The following ATP6V0A2 variants were observed in gnomAD, a reference collection of about 807,000 sequenced individuals.
The protein encoded by ATP6V0A2 is ATPase H+ transporting V0 subunit a2.
A neutral mutation model predicts 104.4 loss-of-function variants in ATP6V0A2; 58 were observed. The ratio of observed to expected loss-of-function variants is 0.56; its 90% CI spans 0.45 to 0.69. The LOEUF (loss-of-function observed/expected upper bound fraction) is 0.69. Ranked by LOEUF, ATP6V0A2 falls within the 30% of genes least tolerant of loss-of-function variation. The pLI, the probability that ATP6V0A2 is intolerant of heterozygous loss-of-function variation, is 0.00. For synonymous variants in ATP6V0A2, 376 were observed against 397.9 expected (o/e 0.95, Z 0.65); for missense variants, 938 against 1,062.9 (o/e 0.88, Z 1.63).
At chr12:123,731,311 G>C (rs913059641) in intron 6 of ATP6V0A2, 5 of 152,114 alleles carry the variant, frequency 3.3e-5, no homozygotes, top group African/African-American at 1.2e-4. Flanking sequence ...TATAGTGTCA[G>C]GTTTACTGTC....
intron 14 of ATP6V0A2, 72 bp downstream of exon 14, chr12:123,747,797 G>T (rs963986626): frequency 6.1e-5 from 60 of 983,964 alleles, no homozygotes; most frequent in Admixed American, 2.3e-4. Flanking sequence ...GCTTCTTGTT[G>T]GTGACTGTAT....
At chr12:123,745,667 T>C (rs947066875) in intron 13 of ATP6V0A2, among the ~76,000 whole-genome samples, 1 of 150,582 alleles carries the variant, frequency 6.6e-6, no homozygotes, top group Admixed American at 6.6e-5. Context: ...GATGGTGCCA[T>C]TGCACTCCAG....
At chr12:123,756,603 T>G in intron 18 of ATP6V0A2, 1 of 582,226 alleles carries the variant, frequency 1.7e-6, no homozygotes, top group Non-Finnish European at 3.0e-6. Flanking sequence ...CTCTGATATT[T>G]TTGGAGCACC....
chr12:123,742,012 G>A (rs536054978), intron 9 of ATP6V0A2, among the ~76,000 whole-genome samples: 81 of 152,002 alleles, frequency 5.3e-4, no homozygotes, highest in African/African-American at 1.9e-3. Context: ...TTTCTCTTTC[G>A]TTCCTGTCCT....
chr12:123,745,445 G>A (rs1176960494), intron 13 of ATP6V0A2, among the ~76,000 whole-genome samples: 1 of 152,152 alleles, frequency 6.6e-6, no homozygotes, highest in African/African-American at 2.4e-5. Context: ...AAGTACTCAC[G>A]CCTGTAATTC....
intron 16 of ATP6V0A2, 41 bp from the exon 17 acceptor site, chr12:123,752,242 T>G (rs1956722503): frequency 6.2e-7 from 1 of 1,613,394 alleles, no homozygotes; most frequent in African/African-American, 1.3e-5. Context: ...CACAACCTTG[T>G]GGTTTTACAG....
chr12:123,734,181 C>T (rs1956529490), intron 7 of ATP6V0A2, among the ~76,000 whole-genome samples, 173 bp downstream of exon 7: 2 of 152,218 alleles, frequency 1.3e-5, no homozygotes, highest in Non-Finnish European at 2.9e-5. Flanking sequence ...CTTACCAATG[C>T]ATTACTTAAA....
intron 1 of ATP6V0A2, among the ~76,000 whole-genome samples, chr12:123,712,969 A>G (rs1403361459): frequency 6.6e-6 from 1 of 152,164 alleles, no homozygotes; most frequent in Admixed American, 6.5e-5. Flanking sequence ...CGGGAGAACA[A>G]ATCCCACAAA....
chr12:123,747,512 A>T (rs1383092079), intron 13 of ATP6V0A2, 95 bp from the exon 14 acceptor site: 22 of 836,796 alleles, frequency 2.6e-5, no homozygotes, highest in Non-Finnish European at 4.6e-5. Flanking sequence ...TCTTAAACTT[A>T]GAGCCACCTT....
rs1956633578 is a variant in ATP6V0A2 at position 123,743,861 on chromosome 12, C to T, written c.1115C>T (p.Thr372Ile). 1.2e-6 allele frequency: 2 copies of T among 1,613,988 alleles called. No individual in the cohort carries two copies. The highest frequency in any genetic ancestry group is 1.7e-5 in the Admixed American group (1 of 60,004). The change falls in exon 10 of 20, where the codon ACC (threonine) becomes ATC (isoleucine). Residue 372 changes from threonine (T) to isoleucine (I), a missense_variant. Physicochemically the swap from Thr to Ile is moderately conservative, Grantham distance 89 (BLOSUM62 -1). Coordinates refer to ENST00000330342, the MANE Select transcript of ATP6V0A2 (RefSeq NM_012463.4). Reference sequence around the variant, plus strand: ...GAAACACCCCCCACTCGGATCCGCACCAACAAATTCACCGAGGGATTTCAG... The same window carrying T: ...GAAACACCCCCCACTCGGATCCGCATCAACAAATTCACCGAGGGATTTCAG... ...TKETPPTRIRTNKFTEGFQNI... is the reference protein window; with the variant it reads ...TKETPPTRIRINKFTEGFQNI...
intron 1 of ATP6V0A2, among the ~76,000 whole-genome samples, chr12:123,714,002 A>G (rs1166872454): frequency 6.6e-6 from 1 of 152,214 alleles, no homozygotes; most frequent in Non-Finnish European, 1.5e-5. Context: ...CCACTTCTGC[A>G]GTTGTACCCA....
At chr12:123,731,051 C>T (rs1370611617) in intron 6 of ATP6V0A2, 1 of 152,194 alleles carries the variant, frequency 6.6e-6, no homozygotes, top group African/African-American at 2.4e-5. Flanking sequence ...CAGTAAACAT[C>T]TGTGAAGGAA....
In ATP6V0A2 at chr12:123,751,249, C is replaced by T; in HGVS notation, c.2055+20C>T. ...AACCGGGTAAGTGCGGGTTTGGATG[C>T]ATTTACAACTGTGAGCAAAGCTTGC... On this transcript the variant is annotated intron_variant, in intron 16 of 19. Transcript: ENST00000330342. 6.2e-7 allele frequency: 1 copy of T among 1,614,076 alleles called. No individual in the cohort carries two copies. The highest frequency in any genetic ancestry group is 8.5e-7 in the Non-Finnish European group (1 of 1,180,000).
At chr12:123,752,019 C>T (rs573671863) in intron 16 of ATP6V0A2, among the ~76,000 whole-genome samples, 109 of 152,122 alleles carry the variant, frequency 7.2e-4, no homozygotes, top group African/African-American at 2.4e-3. Flanking sequence ...CCACCACGCC[C>T]TGCTAATTTT....
chr12:123,751,350 C>A, intron 16 of ATP6V0A2, 121 bp downstream of exon 16: 1 of 1,479,408 alleles, frequency 6.8e-7, no homozygotes, highest in Non-Finnish European at 9.3e-7. Flanking sequence ...GCCAAAGCTC[C>A]CTTTATTTAA....
At chr12:123,718,521 AC>A in intron 1 of ATP6V0A2, 101 bp from the exon 2 acceptor site, 1 of 796,158 alleles carries the variant, frequency 1.3e-6, no homozygotes, top group Non-Finnish European at 2.1e-6. Flanking sequence ...TCAATAGTAT[AC>A]AAGAGTGTAC....
At position 123,744,677 on chromosome 12, in the gene ATP6V0A2, C is replaced by T. The variant is rs1291351328; in HGVS notation, c.1407C>T (p.Asn469=). The change falls in exon 12 of 20, where the codon AAC becomes AAT. Residue 469 remains asparagine, a synonymous_variant. Transcript: ENST00000330342. The surrounding 1 kb of genome is among the most constrained non-coding windows in gnomAD (Gnocchi z 5.4). ...LFSVYTGLIY[N]DCFSKSVNLF... ...CAGTGTACACTGGCCTCATCTACAA[C>T]GACTGCTTTTCAAAGTCAGTCAACC... 11 of 1,613,978 alleles carry T rather than the reference C, an allele frequency of 6.8e-6. No individual in the cohort carries two copies. Among genetic ancestry groups the T allele is most frequent in the Admixed American group, 1.7e-5 (1 of 60,008 alleles).
At chr12:123,726,102 G>C (rs1288827473) in intron 4 of ATP6V0A2, 95 bp from the exon 5 acceptor site, 3 of 911,368 alleles carry the variant, frequency 3.3e-6, no homozygotes, top group African/African-American at 3.3e-5. Flanking sequence ...TAAGTAGTTA[G>C]TTAGGATGCC....
Position 123,745,031 on chromosome 12 carries a change from G to C in ATP6V0A2, c.1605+59G>C, listed in dbSNP as rs531144230. 1.1e-4 allele frequency: 161 copies of C among 1,522,664 alleles called. No homozygotes were observed. In the African/African-American group the frequency reaches 1.8e-3, roughly 17 times the overall value. The allele number at this position is 1,522,664 out of a possible 1,614,324, so 94.3% of individuals were successfully genotyped here. The stretch of plus-strand genomic sequence containing the variant: ...TGCTCTGTGGTGCCACCTAGCTTCG[G>C]GCGCCACGAGTTTCTCTAGACTGTT... On this transcript the variant is annotated intron_variant, in intron 13 of 19. Transcript: ENST00000330342.
Sources: allele counts gnomAD v4.1 joint callset (sites outside exome capture counted in the v4.1 genomes callset), GRCh38; gene constraint gnomAD v4.1.1; non-coding constraint Gnocchi (gnomAD v3.1); transcripts MANE v1.5; gene names NCBI Gene and HGNC (gene_info 2026-07-23, HGNC 2026-07-21).